RBFOX1: variants seen among roughly 807,000 people sequenced by gnomAD.
The protein encoded by RBFOX1 is RNA binding fox-1 homolog 1, also known as RNA binding protein fox-1 homolog 1.
In RBFOX1, 8 loss-of-function variants were observed where a neutral mutation model predicts 57.7. That is an observed-to-expected ratio of 0.14 (90% CI 0.08 to 0.25). RBFOX1 has a LOEUF of 0.25. Among genes scored for constraint, RBFOX1 ranks in the 10% least tolerant of loss-of-function variants. RBFOX1 has a pLI of 1.00. For synonymous variants in RBFOX1, 326 were observed against 222.4 expected, an observed-to-expected ratio of 1.47 and a Z score of -4.15; for missense variants, 611 against 548.5, an observed-to-expected ratio of 1.11 and a Z score of -1.14.
rs2055865691 is a variant in RBFOX1, at chr16:5,821,755, C to T, written c.319-45548C>T. Among the ~76,000 whole-genome samples, 3 of 152,282 alleles carry T rather than the reference C, an allele frequency of 2.0e-5. No individual in the cohort carries two copies. The South Asian group carries it at 6.2e-4, about 32-fold the overall frequency. On this transcript the variant is annotated intron_variant, in intron 3 of 19. Coordinates refer to the RBFOX1 transcript ENST00000641259. ...GAGGGTGGGAAGTCCAAGGTCAAGGCACCAGCAGGTTCAGTGTTTAGTGAG... is the reference window on the plus strand; with the variant it reads ...GAGGGTGGGAAGTCCAAGGTCAAGGTACCAGCAGGTTCAGTGTTTAGTGAG...
intron 3 of RBFOX1, among the ~76,000 whole-genome samples, chr16:6,882,877 C>G (rs1457098662): frequency 1.3e-5 from 2 of 152,158 alleles, no homozygotes; most frequent in African/African-American, 4.8e-5. Flanking sequence ...CATCTTCCTG[C>G]TCTGTTCCTA....
chr16:5,428,864 CT>C (rs1015172799), intron 1 of RBFOX1, among the ~76,000 whole-genome samples: 1 of 152,134 alleles, frequency 6.6e-6, no homozygotes, highest in Admixed American at 6.6e-5. Flanking sequence ...ATATGGAAGC[CT>C]TTTTTTCCAT....
intron 3 of RBFOX1, among the ~76,000 whole-genome samples, chr16:6,914,706 T>A (rs933152424): frequency 6.6e-6 from 1 of 152,186 alleles, no homozygotes; most frequent in Non-Finnish European, 1.5e-5. Flanking sequence ...AGATCCCATC[T>A]GTACCAATAA....
At chr16:5,786,998 C>T (rs8061572) in intron 3 of RBFOX1, among the ~76,000 whole-genome samples, 6,932 of 152,118 alleles carry the variant, frequency 0.046, 215 homozygotes, top group Non-Finnish European at 0.068. Context: ...TAACTGGGCG[C>T]GGTGGCAGAT....
At chr16:7,416,380 T>C (rs1244598134) in intron 4 of RBFOX1, among the ~76,000 whole-genome samples, 1 of 152,220 alleles carries the variant, frequency 6.6e-6, no homozygotes, top group Non-Finnish European at 1.5e-5. Context: ...TTTTATTCCC[T>C]GTAGTTCTTC....
At chr16:5,509,501 CAAAG>C (rs1360263582) in intron 2 of RBFOX1, among the ~76,000 whole-genome samples, 1 of 152,134 alleles carries the variant, frequency 6.6e-6, no homozygotes, top group Non-Finnish European at 1.5e-5. Context: ...GCAAAGTGAG[CAAAG>C]AGAGAAAGGG....
intron 3 of RBFOX1, among the ~76,000 whole-genome samples, chr16:5,818,774 T>A (rs1261925543): frequency 6.6e-6 from 1 of 152,130 alleles, no homozygotes; most frequent in East Asian, 1.9e-4. Flanking sequence ...AGCTAATGTC[T>A]CCCCTGAGCA....
At chr16:6,381,827 C>A (rs544379420) in intron 2 of RBFOX1, among the ~76,000 whole-genome samples, 24 of 152,344 alleles carry the variant, frequency 1.6e-4, no homozygotes, top group Non-Finnish European at 2.4e-4. Flanking sequence ...CATTATCATG[C>A]ATTCACCTGG....
chr16:5,692,165 CTGTGTGTGTGTG>C (rs199585814), intron 3 of RBFOX1, among the ~76,000 whole-genome samples: 32 of 22,898 alleles, frequency 1.4e-3, no homozygotes, highest in Admixed American at 5.2e-3. Flanking sequence ...TAGGGACTGA[CTGTGTGTGTGTG>C]TGTGTGTGTG....
At chr16:5,729,640 A>T (rs2052289165) in intron 3 of RBFOX1, among the ~76,000 whole-genome samples, 1 of 152,084 alleles carries the variant, frequency 6.6e-6, no homozygotes, top group African/African-American at 2.4e-5. Flanking sequence ...CTTCCACTAA[A>T]GGTCTCAAGC....
chr16:7,445,748 A>C (rs2098802975), intron 4 of RBFOX1, among the ~76,000 whole-genome samples: 1 of 152,142 alleles, frequency 6.6e-6, no homozygotes, highest in South Asian at 2.1e-4. Context: ...TTGTCTTTTC[A>C]CGCGGGTGAC....
chr16:5,818,267 A>C (rs911770178), intron 3 of RBFOX1, among the ~76,000 whole-genome samples: 2 of 152,142 alleles, frequency 1.3e-5, no homozygotes, highest in African/African-American at 4.8e-5. Flanking sequence ...ATATGAGGCA[A>C]TGGACTGACA....
chr16:5,611,767 C>G (rs2047812110), intron 3 of RBFOX1, among the ~76,000 whole-genome samples: 1 of 126,234 alleles, frequency 7.9e-6, no homozygotes. Flanking sequence ...TCTTTTCAGT[C>G]TCCCATCCAT....
At chr16:6,622,032 C>T (rs923967682) in intron 2 of RBFOX1, among the ~76,000 whole-genome samples, 1 of 152,122 alleles carries the variant, frequency 6.6e-6, no homozygotes, top group Non-Finnish European at 1.5e-5. Flanking sequence ...TTTACAAGAC[C>T]TGAGAGTGAT....
At chr16:6,824,052 C>G (rs1006229118) in intron 3 of RBFOX1, among the ~76,000 whole-genome samples, 2 of 152,262 alleles carry the variant, frequency 1.3e-5, no homozygotes, top group East Asian at 3.9e-4. Context: ...ATTTCCATAT[C>G]TTTGTCTACA....
chr16:5,840,306 CA>C (rs1312748715), intron 3 of RBFOX1, among the ~76,000 whole-genome samples: 1 of 152,142 alleles, frequency 6.6e-6, no homozygotes, highest in East Asian at 1.9e-4. Flanking sequence ...ATCTGCATGG[CA>C]GTGAATCACA....
At chr16:7,384,480 T>G (rs371186979) in intron 4 of RBFOX1, among the ~76,000 whole-genome samples, 4 of 152,210 alleles carry the variant, frequency 2.6e-5, no homozygotes, top group East Asian at 3.9e-4. Context: ...CAGTGGGTTT[T>G]CATGCCAAAC....
chr16:7,045,234 G>A, intron 3 of RBFOX1, among the ~76,000 whole-genome samples: 1 of 152,050 alleles, frequency 6.6e-6, no homozygotes. Flanking sequence ...GGTGGTGGTG[G>A]CAACCAGTTT....
At chr16:6,483,107 C>A in intron 2 of RBFOX1, 2 of 1,018,222 alleles carry the variant, frequency 2.0e-6, no homozygotes, top group Non-Finnish European at 2.3e-6. Context: ...GGGACCCACG[C>A]AGCCCCAGTA....
Sources: allele counts gnomAD v4.1 joint callset (sites outside exome capture counted in the v4.1 genomes callset), GRCh38; gene constraint gnomAD v4.1.1; transcripts MANE v1.5; gene names NCBI Gene and HGNC (gene_info 2026-07-23, HGNC 2026-07-21).